SSH2: variants seen among roughly 807,000 people sequenced by gnomAD.
SSH2 encodes protein phosphatase Slingshot homolog 2.
In SSH2, 37 loss-of-function variants were observed where a neutral mutation model predicts 135.2. The ratio of observed to expected loss-of-function variants is 0.27; its 90% CI spans 0.21 to 0.36. The LOEUF (loss-of-function observed/expected upper bound fraction) is 0.36, where lower values mean the gene tolerates loss of function less well. SSH2 is among the 10% of genes least tolerant of loss of function. The pLI is 1.00. For synonymous variants in SSH2, 628 were observed against 646.2 expected, an observed-to-expected ratio of 0.97 and a Z score of 0.43; for missense variants, 1,408 against 1,765.3, an observed-to-expected ratio of 0.80 and a Z score of 3.63.
intron 3 of SSH2, among the ~76,000 whole-genome samples, chr17:29,772,108 GTT>G (rs10718057): frequency 4.7e-5 from 7 of 150,018 alleles, no homozygotes; most frequent in Admixed American, 2.7e-4. Context: ...AAAAGATGTG[GTT>G]TTTTTTTTTC....
chr17:29,643,656 G>A (rs1455958600), intron 14 of SSH2, among the ~76,000 whole-genome samples: 2 of 152,018 alleles, frequency 1.3e-5, no homozygotes, highest in Non-Finnish European at 2.9e-5. Context: ...ACCATGCCTG[G>A]CTAATTTTTG....
chr17:29,788,484 TCTC>T (rs1415286359), intron 3 of SSH2, among the ~76,000 whole-genome samples: 1 of 152,168 alleles, frequency 6.6e-6, no homozygotes, highest in Non-Finnish European at 1.5e-5. Context: ...TACCATTAGT[TCTC>T]CTGGGTTTCC....
chr17:29,782,833 G>C (rs2041869591), intron 3 of SSH2, among the ~76,000 whole-genome samples: 1 of 152,152 alleles, frequency 6.6e-6, no homozygotes, highest in Non-Finnish European at 1.5e-5. Flanking sequence ...TGATCTGCCC[G>C]CCTTGGCCTC....
rs1372361157 is a variant in SSH2 at position 29,630,645 on chromosome 17, A to G, written c.*196T>C. 2.4e-6 allele frequency: 1 copy of G among 424,158 alleles called. No homozygotes were observed. Among genetic ancestry groups the G allele is most frequent in the Admixed American group, 4.1e-5 (1 of 24,162 alleles). 26.3% of individuals were successfully genotyped at this position (424,158 alleles called of 1,614,324 possible). ...ATAAAAAATGATAAACGGTCTTGCC[A>G]TCCAGATCAATCTCTCTTTCCCCTT... On this transcript the variant is annotated 3_prime_UTR_variant, in exon 16 of 16. Coordinates refer to ENST00000540801, the MANE Select transcript of SSH2 (RefSeq NM_001282129.2).
chr17:29,721,341 A>T (rs1440855505), intron 3 of SSH2, among the ~76,000 whole-genome samples: 1 of 152,126 alleles, frequency 6.6e-6, no homozygotes, highest in African/African-American at 2.4e-5. Context: ...ATAATCCTAC[A>T]CTTGTTCCCT....
At chr17:29,723,997 A>G (rs1238602830) in intron 3 of SSH2, among the ~76,000 whole-genome samples, 1 of 152,196 alleles carries the variant, frequency 6.6e-6, no homozygotes, top group Non-Finnish European at 1.5e-5. Flanking sequence ...CAGGCACAGT[A>G]GCCTCTCTTA....
chr17:29,855,265 G>T (rs912436255), intron 1 of SSH2, among the ~76,000 whole-genome samples: 1 of 152,192 alleles, frequency 6.6e-6, no homozygotes, highest in African/African-American at 2.4e-5. Context: ...AATTTGGGAG[G>T]CTGAGGCAGG....
chr17:29,718,131 T>G (rs188728807), intron 3 of SSH2, among the ~76,000 whole-genome samples: 1 of 152,334 alleles, frequency 6.6e-6, no homozygotes, highest in African/African-American at 2.4e-5. Context: ...TTCTCAGTCC[T>G]TATCAAATGC....
At chr17:29,681,577 C>T (rs72823935) in intron 6 of SSH2, among the ~76,000 whole-genome samples, 60,385 of 150,542 alleles carry the variant, frequency 0.4, 14,578 homozygotes, top group East Asian at 0.68. Flanking sequence ...AAAAAAAAAA[C>T]CCCAAAAAAC....
At chr17:29,888,548 TA>T (rs1174471865) in intron 1 of SSH2, among the ~76,000 whole-genome samples, 3 of 152,120 alleles carry the variant, frequency 2.0e-5, no homozygotes, top group African/African-American at 7.2e-5. Flanking sequence ...AGCAAAAACC[TA>T]GTAATTTTTA....
intron 1 of SSH2, among the ~76,000 whole-genome samples, chr17:29,854,553 G>T (rs1177403311): frequency 6.6e-6 from 1 of 151,798 alleles, no homozygotes; most frequent in Non-Finnish European, 1.5e-5. Context: ...TATATGGACT[G>T]TATGATGCAA....
intron 2 of SSH2, among the ~76,000 whole-genome samples, chr17:29,805,863 CA>C (rs11417396): frequency 4.5e-4 from 65 of 143,654 alleles, no homozygotes; most frequent in Admixed American, 9.1e-4. Flanking sequence ...ACTCAGCTAT[CA>C]AAAAAAAAAA....
At chr17:29,919,970 C>T (rs749004207) in intron 1 of SSH2, among the ~76,000 whole-genome samples, 2 of 152,066 alleles carry the variant, frequency 1.3e-5, no homozygotes, top group Admixed American at 6.6e-5. Context: ...AGTGCAATGG[C>T]GTGATCTCAG....
Position 29,642,763 on chromosome 17 carries a change from G to A in SSH2, c.1427+5381C>T, listed in dbSNP as rs554752207. Among the ~76,000 whole-genome samples, 28 of 152,284 alleles carry A rather than the reference G, an allele frequency of 1.8e-4. No individual in the cohort carries two copies. In the East Asian group the frequency reaches 5.0e-3, roughly 27 times the overall value. On this transcript the variant is annotated intron_variant, in intron 14 of 15. Transcript: ENST00000540801. ...AAAAAGTCCCTTGTATTTCAGAGGG[G>A]CTTGGCCCATACCCTCATACTCTGA...
At chr17:29,666,012 C>T (rs1320772366) in intron 11 of SSH2, among the ~76,000 whole-genome samples, 1 of 152,192 alleles carries the variant, frequency 6.6e-6, no homozygotes, top group African/African-American at 2.4e-5. Context: ...AACTTAGACA[C>T]ATTTGGCAGA....
At chr17:29,894,156 T>C (rs2066400931) in intron 1 of SSH2, among the ~76,000 whole-genome samples, 1 of 152,174 alleles carries the variant, frequency 6.6e-6, no homozygotes, top group African/African-American at 2.4e-5. Context: ...GGTTTCTTAA[T>C]TTATAAAATG....
At chr17:29,664,946 A>C (rs2037211291) in intron 11 of SSH2, among the ~76,000 whole-genome samples, 1 of 152,140 alleles carries the variant, frequency 6.6e-6, no homozygotes, top group Non-Finnish European at 1.5e-5. Flanking sequence ...ATCTGACTGT[A>C]TTTCATATTT....
Position 29,913,347 on chromosome 17 carries a change from A to AAAAAAAAAAATTATATAT in SSH2, c.63+16590_63+16591insATATATAATTTTTTTTTT. Among the ~76,000 whole-genome samples, 2 of 28,786 alleles carry AAAAAAAAAAATTATATAT rather than the reference A, an allele frequency of 6.9e-5. 1 individual carries two copies. Among genetic ancestry groups the AAAAAAAAAAATTATATAT allele is most frequent in the African/African-American group, 2.5e-4 (2 of 8,056 alleles). 18.9% of individuals were successfully genotyped at this position (28,786 alleles called of 152,430 possible). A position where few individuals can be genotyped will look rare whatever the true frequency, so the allele number is the denominator to read the frequency against. ...AAAAAAAAAAAAAAAAAAAAAAAAA[A>AAAAAAAAAAATTATATAT]ATATATATATATATATATATATATA... On this transcript the variant is annotated intron_variant, in intron 1 of 15. Coordinates refer to ENST00000540801, the MANE Select transcript of SSH2 (RefSeq NM_001282129.2).
In SSH2 at chr17:29,874,107, A is replaced by T. The variant is rs747976525; in HGVS notation, c.64-25178T>A. ...CAGGAGTTTGAGACTAGCCTGGGCA[A>T]CATGGCAAAACCCCATCTCTACAGA... On this transcript the variant is annotated intron_variant, in intron 1 of 15. Coordinates refer to ENST00000540801, the MANE Select transcript of SSH2 (RefSeq NM_001282129.2). 5.3e-5 allele frequency among the ~76,000 whole-genome samples: 8 copies of T among 152,164 alleles called. No individual in the cohort carries two copies. In the East Asian group the frequency reaches 5.8e-4, roughly 11 times the overall value.
Sources: gnomAD v4.1 joint callset for allele counts (sites outside exome capture counted in the v4.1 genomes callset) on GRCh38, gnomAD v4.1.1 for gene constraint, MANE v1.5 for transcripts, NCBI Gene and HGNC (gene_info 2026-07-23, HGNC 2026-07-21) for gene names.